GFRA2: variants seen among roughly 807,000 people sequenced by gnomAD.
GFRA2 encodes GDNF family receptor alpha-2.
In GFRA2, 17 loss-of-function variants were observed where a neutral mutation model predicts 48.3. That is an observed-to-expected ratio of 0.35 (90% CI 0.24 to 0.53). GFRA2 has a LOEUF of 0.53. Ranked by LOEUF, GFRA2 falls within the 20% of genes least tolerant of loss-of-function variation. The probability of loss-of-function intolerance (pLI) is 0.93; values close to 1 mark genes in which losing one functional copy is unlikely to be tolerated. For synonymous variants in GFRA2, 305 were observed against 257.2 expected, an observed-to-expected ratio of 1.19 and a Z score of -1.78; for missense variants, 660 against 637.3, an observed-to-expected ratio of 1.04 and a Z score of -0.38.
upstream of GFRA2, chr8:21,789,099 A>G (rs373348906): frequency 0.14 from 14,150 of 103,616 alleles, 1,336 homozygotes; most frequent in African/African-American, 0.35. Context: ...CGACAAGGCG[A>G]AGGCGGTGGC....
chr8:21,694,527 A>C lies in GFRA2; in HGVS notation c.1219-10T>G. On this transcript the variant is annotated splice_polypyrimidine_tract_variant and intron_variant, in intron 7 of 8. Transcript: ENST00000524240. Reference sequence around the variant, plus strand: ...CCTTCAGCCCCTGCTCCTGCGAGAGAGAAGGTGCCAGTCAGGACGAGTCAC... The same window carrying C: ...CCTTCAGCCCCTGCTCCTGCGAGAGCGAAGGTGCCAGTCAGGACGAGTCAC... 6.2e-7 allele frequency: 1 copy of C among 1,608,432 alleles called. No individual in the cohort carries two copies. The highest frequency in any genetic ancestry group is 8.5e-7 in the Non-Finnish European group (1 of 1,177,760).
At position 21,741,344 on chromosome 8, in the gene GFRA2, C is replaced by T. The variant is rs554754227; in HGVS notation, c.794+9244G>A. Among the ~76,000 whole-genome samples the T allele has an allele frequency of 4.9e-4, 74 of 152,322 alleles. 1 individual carries two copies. The South Asian group carries it at 9.5e-3, about 20-fold the overall frequency. ...ATGCTCTTTCTCCCTTGGTCTGACA[C>T]CAGGCTCCCCATTCCTCAGGTCTCA... On this transcript the variant is annotated intron_variant, in intron 4 of 8. Coordinates refer to ENST00000524240, the MANE Select transcript of GFRA2 (RefSeq NM_001495.5).
rs1206302462 is a variant in GFRA2, at chr8:21,702,874, A to G, written c.1149T>C (p.Ser383=). Residue 383 remains serine, a synonymous_variant, in exon 7 of 9, where the codon TCT becomes TCC. Coordinates refer to ENST00000524240, the MANE Select transcript of GFRA2 (RefSeq NM_001495.5). ...TACTGTCACTGAGGTCATCTGGCAA[A>G]GAAGGCGTCTTCTCCACCCGAGGGG... ...TQAPRVEKTP[S]LPDDLSDSTS... is the part of the protein sequence containing the mutation. The G allele has an allele frequency of 2.5e-6, 4 of 1,609,320 alleles. No individual in the cohort carries two copies. Among genetic ancestry groups the G allele is most frequent in the East Asian group, 2.3e-5 (1 of 44,284 alleles).
chr8:21,788,298 T>G lies in GFRA2; in HGVS notation c.-139A>C. 1 of 1,379,666 alleles carries G rather than the reference T, an allele frequency of 7.2e-7. No individual in the cohort carries two copies. The highest frequency in any genetic ancestry group is 9.4e-7 in the Non-Finnish European group (1 of 1,063,402). 85.5% of individuals were successfully genotyped at this position (1,379,666 alleles called of 1,614,324 possible). A position where few individuals can be genotyped will look rare whatever the true frequency, so the allele number is the denominator to read the frequency against. On this transcript the variant is annotated 5_prime_UTR_variant, in exon 1 of 9. Transcript: ENST00000524240. ...CGGAGATCCCAGCTAGTCCACCCGATGAAGATCCCGAGTCCTGCGATTCTC... is the reference window on the plus strand; with the variant it reads ...CGGAGATCCCAGCTAGTCCACCCGAGGAAGATCCCGAGTCCTGCGATTCTC...
upstream of GFRA2, among the ~76,000 whole-genome samples, chr8:21,790,289 C>T (rs1807532383): frequency 6.6e-6 from 1 of 152,204 alleles, no homozygotes; most frequent in Non-Finnish European, 1.5e-5. Flanking sequence ...CGCGCACACA[C>T]GGTGTCCTGG....
rs989229873 is a variant in GFRA2 at position 21,795,122 on chromosome 8, C to T, written c.-35-6928G>A. 3.8e-4 allele frequency among the ~76,000 whole-genome samples: 58 copies of T among 152,138 alleles called. 2 individuals carry two copies. Among genetic ancestry groups the T allele is most frequent in the Non-Finnish European group, 1.0e-4 (7 of 68,030 alleles). ...GGGTAGCCCATTAGAGAGGGAGGAA[C>T]CTGCAGCTGCTGCAGCTCCCATGGG... On this transcript the variant is annotated intron_variant, in intron 2 of 10. Transcript: ENST00000517328.
At chr8:21,798,858 G>A (rs1807722055) in intron 2 of GFRA2, among the ~76,000 whole-genome samples, 2 of 152,272 alleles carry the variant, frequency 1.3e-5, no homozygotes, top group South Asian at 4.1e-4. Flanking sequence ...AGGCCTCCAG[G>A]TCCTGCTGTG....
intron 4 of GFRA2, chr8:21,706,405 C>T (rs1340797468): frequency 4.2e-6 from 2 of 470,728 alleles, no homozygotes; most frequent in Admixed American, 4.7e-5. Flanking sequence ...CTGGGTCCAC[C>T]TTCTGAGAGG....
intron 4 of GFRA2, among the ~76,000 whole-genome samples, chr8:21,711,852 G>A (rs1803051456): frequency 6.6e-6 from 1 of 152,096 alleles, no homozygotes; most frequent in African/African-American, 2.4e-5. Flanking sequence ...TTGTGTCCCT[G>A]GGTACTTGAG....
chr8:21,788,206 A>C lies in GFRA2; in HGVS notation c.-47T>G. 6.9e-6 allele frequency: 11 copies of C among 1,594,294 alleles called. No homozygotes were observed. The South Asian group carries it at 1.3e-4, about 18-fold the overall frequency. On this transcript the variant is annotated 5_prime_UTR_variant, in exon 1 of 9. Coordinates refer to ENST00000524240, the MANE Select transcript of GFRA2 (RefSeq NM_001495.5). ...TTTTGTCTTTCTCCCTTGGGTAAAA[A>C]AAAATAATAGTAGTAACAACAACAA...
intron 4 of GFRA2, among the ~76,000 whole-genome samples, chr8:21,721,347 G>A (rs896499193): frequency 2.0e-5 from 3 of 152,176 alleles, no homozygotes; most frequent in African/African-American, 7.2e-5. Context: ...CACTAAAGGA[G>A]GCCCCAGTGG....
intron 4 of GFRA2, among the ~76,000 whole-genome samples, chr8:21,727,086 A>T (rs1379001924): frequency 1.3e-5 from 2 of 152,094 alleles, no homozygotes; most frequent in Non-Finnish European, 2.9e-5. Context: ...CCACATTCTG[A>T]AGTTCCGGGT....
intron 2 of GFRA2, among the ~76,000 whole-genome samples, chr8:21,777,325 T>C (rs1274466398): frequency 7.6e-6 from 1 of 131,944 alleles, no homozygotes; most frequent in African/African-American, 3.0e-5. Flanking sequence ...CCCGGGGTGG[T>C]GTGGGGGCCT....
In GFRA2 at chr8:21,788,107, C is replaced by A. The variant is rs1438988706; in HGVS notation, c.40+13G>T. On this transcript the variant is annotated intron_variant, in intron 1 of 8. Transcript: ENST00000524240. ...TCGCCTCCCCCTCGAGCTCGCCGCC[C>A]GCAGGTACTCACCTAGAAAGAAGAA... The A allele has an allele frequency of 6.6e-7, 1 of 1,520,108 alleles. No individual in the cohort carries two copies. The highest frequency in any genetic ancestry group is 8.9e-7 in the Non-Finnish European group (1 of 1,117,880). The allele number at this position is 1,520,108 out of a possible 1,614,324, so 94.2% of individuals were successfully genotyped here.
At chr8:21,785,804 C>G (rs1807242247) in intron 1 of GFRA2, among the ~76,000 whole-genome samples, 1 of 152,148 alleles carries the variant, frequency 6.6e-6, no homozygotes, top group Non-Finnish European at 1.5e-5. Context: ...CCAGACCTCA[C>G]TCAGAATCTC....
At chr8:21,713,126 ATATT>A (rs1199450454) in intron 4 of GFRA2, among the ~76,000 whole-genome samples, 1 of 152,082 alleles carries the variant, frequency 6.6e-6, no homozygotes, top group African/African-American at 2.4e-5. Context: ...TTTATCCAGA[ATATT>A]TATTTAACTG....
intron 2 of GFRA2, among the ~76,000 whole-genome samples, chr8:21,794,337 G>A (rs951009097): frequency 1.2e-4 from 15 of 128,404 alleles, no homozygotes; most frequent in South Asian, 1.1e-3. Flanking sequence ...CACAATCTCC[G>A]CCTCCCATGT....
chr8:21,782,761 A>T lies in GFRA2; in HGVS notation c.179T>A (p.Leu60Gln). Residue 60 changes from leucine to glutamine, a missense_variant, in exon 2 of 9, where the codon CTG becomes CAG. Leu to Gln is a moderately radical substitution (Grantham distance 113). Coordinates refer to ENST00000524240, the MANE Select transcript of GFRA2 (RefSeq NM_001495.5). ...ESNCSSRYRT[L>Q]RQCLAGRDRN... ...GTCGCGGCCTGCCAGGCACTGCCGC[A>T]GAGTGCGGTAGCGAGAGCTGCAGTT... 1 of 1,594,888 alleles carries T rather than the reference A, an allele frequency of 6.3e-7. No homozygotes were observed. The highest frequency in any genetic ancestry group is 1.1e-5 in the South Asian group (1 of 88,042).
Position 21,702,833 on chromosome 8 carries a change from C to T in GFRA2, c.1190G>A (p.Ser397Asn). The T allele has an allele frequency of 6.2e-7, 1 of 1,609,674 alleles. No individual in the cohort carries two copies. ...DLSDSTSLGTSVITTCTSVQE... is the reference protein window; with the variant it reads ...DLSDSTSLGTNVITTCTSVQE... The stretch of plus-strand genomic sequence containing the variant: ...GACAGACGTGCAGGTGGTGATGACA[C>T]TGGTCCCCAAGCTGGTACTGTCACT... Residue 397 changes from serine to asparagine, a missense_variant, in exon 7 of 9, where the codon AGT becomes AAT. Ser to Asn is a conservative substitution (Grantham distance 46). Transcript: ENST00000524240.
Sources: gnomAD v4.1 joint callset for allele counts (sites outside exome capture counted in the v4.1 genomes callset) on GRCh38, gnomAD v4.1.1 for gene constraint, MANE v1.5 for transcripts, NCBI Gene and HGNC (gene_info 2026-07-23, HGNC 2026-07-21) for gene names.